Variants in VPS8 observed in about 807,000 individuals in gnomAD.
VPS8 encodes vacuolar protein sorting-associated protein 8 homolog.
In VPS8, 129 loss-of-function variants were observed where a neutral mutation model predicts 216.4. That is an observed-to-expected ratio of 0.60 (90% CI 0.52 to 0.69). The LOEUF is 0.69. Among genes scored for constraint, VPS8 ranks in the 30% least tolerant of loss-of-function variants. The pLI, the probability that VPS8 is intolerant of heterozygous loss-of-function variation, is 0.00. For missense variants in VPS8, 1,531 were observed against 1,683.5 expected (o/e 0.91, Z 1.59); for synonymous variants, 571 against 565.4 (o/e 1.01, Z -0.14).
intron 14 of VPS8, 41 bp from the exon 15 acceptor site, chr3:184,859,944 A>G (rs1463491448): frequency 6.6e-7 from 1 of 1,512,584 alleles, no homozygotes; most frequent in Admixed American, 1.7e-5. Flanking sequence ...AAGTCCCTCA[A>G]ACAGTAGCTG....
At chr3:184,939,554 C>CTT (rs71632037) in intron 35 of VPS8, among the ~76,000 whole-genome samples, 37 of 141,190 alleles carry the variant, frequency 2.6e-4, no homozygotes, top group Middle Eastern at 3.8e-3. Context: ...TTGCTGTCCT[C>CTT]TTTTTTTTTT....
At position 184,915,484 on chromosome 3, in the gene VPS8, A is replaced by G. The variant is rs758030752; in HGVS notation, c.2382+10A>G. ...AAATGTATTGGCACTGGTAAGAGAC[A>G]GTATTATTTTAAGGTGTTTTCAAAG... On this transcript the variant is annotated intron_variant, in intron 28 of 47. Coordinates refer to ENST00000625842, the MANE Select transcript of VPS8 (RefSeq NM_001009921.3). 6.2e-7 allele frequency: 1 copy of G among 1,611,760 alleles called. No homozygotes were observed. The highest frequency in any genetic ancestry group is 8.5e-7 in the Non-Finnish European group (1 of 1,179,056).
intron 6 of VPS8, chr3:184,839,481 G>A (rs1290843960): frequency 1.2e-5 from 6 of 501,806 alleles, no homozygotes; most frequent in Non-Finnish European, 2.1e-5. Context: ...ATGATATTTT[G>A]ATAGTGTTAC....
intron 36 of VPS8, among the ~76,000 whole-genome samples, chr3:184,954,333 C>T (rs999898102): frequency 6.6e-6 from 1 of 152,060 alleles, no homozygotes; most frequent in Non-Finnish European, 1.5e-5. Context: ...TTGATTACAT[C>T]GTTGGCCATT....
At position 184,950,216 on chromosome 3, in the gene VPS8, CTTTTTTTTTTTT is replaced by C. The variant is rs10700220; in HGVS notation, c.3036-7141_3036-7130del. On this transcript the variant is annotated intron_variant, in intron 36 of 47. Transcript: ENST00000625842. ...AGCAACCACGCCCAGCAGTTTTCTG[CTTTTTTTTTTTT>C]TTTTTTTTTTTTTTTTACTCTAGCT... Among the ~76,000 whole-genome samples the C allele has an allele frequency of 0.016, 634 of 39,950 alleles. 47 individuals carry two copies. The Admixed American group carries it at 0.16, about 10-fold the overall frequency. The allele number at this position is 39,950 out of a possible 152,430, so 26.2% of individuals were successfully genotyped here.
intron 16 of VPS8, among the ~76,000 whole-genome samples, chr3:184,863,946 T>G (rs1434348164): frequency 6.6e-6 from 1 of 152,166 alleles, no homozygotes; most frequent in African/African-American, 2.4e-5. Flanking sequence ...AAAGTCAGAA[T>G]AAGAAATGAT....
chr3:184,926,150 C>A (rs866632395), intron 30 of VPS8, among the ~76,000 whole-genome samples: 2 of 150,766 alleles, frequency 1.3e-5, no homozygotes, highest in East Asian at 4.0e-4. Context: ...CCGAGGCGGG[C>A]GGATCACGAG....
intron 47 of VPS8, among the ~76,000 whole-genome samples, chr3:185,049,643 C>T (rs539907483): frequency 6.6e-5 from 10 of 152,240 alleles, no homozygotes; most frequent in Middle Eastern, 6.8e-3. Flanking sequence ...TCTGGATCTC[C>T]ACCACCTAAA....
At position 185,029,587 on chromosome 3, in the gene VPS8, C is replaced by T. The variant is rs150529903; in HGVS notation, c.4056+5198C>T. Among the ~76,000 whole-genome samples, 791 of 148,452 alleles carry T rather than the reference C, an allele frequency of 5.3e-3. 11 individuals carry two copies. The highest frequency in any genetic ancestry group is 0.019 in the African/African-American group (754 of 40,294). Reference sequence around the variant, plus strand: ...TGTATCTTTTTTTTTTTTTTTGAGACGGAGTCTCACTCTGTTGCCCGGCTT... The same window carrying T: ...TGTATCTTTTTTTTTTTTTTTGAGATGGAGTCTCACTCTGTTGCCCGGCTT... On this transcript the variant is annotated intron_variant, in intron 46 of 47. Coordinates refer to ENST00000625842, the MANE Select transcript of VPS8 (RefSeq NM_001009921.3).
chr3:184,939,773 C>G (rs1454547400), intron 35 of VPS8, among the ~76,000 whole-genome samples: 1 of 152,136 alleles, frequency 6.6e-6, no homozygotes, highest in Non-Finnish European at 1.5e-5. Context: ...AACTCCCACC[C>G]TCCCTGGATG....
intron 40 of VPS8, chr3:184,982,293 C>G (rs549763613): frequency 1.3e-5 from 5 of 374,472 alleles, no homozygotes; most frequent in African/African-American, 2.1e-5. Flanking sequence ...ATTGCAGTTC[C>G]GAGGCCTAGA....
At chr3:184,946,225 A>G (rs185330536) in intron 36 of VPS8, among the ~76,000 whole-genome samples, 62 of 152,354 alleles carry the variant, frequency 4.1e-4, no homozygotes, top group African/African-American at 1.5e-3. Flanking sequence ...GGCTCTTCCC[A>G]TAATCCCAAT....
At chr3:184,901,004 T>G in intron 25 of VPS8, 32 bp downstream of exon 25, 1 of 1,587,528 alleles carries the variant, frequency 6.3e-7, no homozygotes, top group Non-Finnish European at 8.6e-7. Flanking sequence ...ATTTTTTGCT[T>G]TCCTGTATTT....
At chr3:184,955,364 A>G (rs978624494) in intron 36 of VPS8, among the ~76,000 whole-genome samples, 8 of 152,134 alleles carry the variant, frequency 5.3e-5, no homozygotes, top group African/African-American at 1.7e-4. Context: ...AAGTGCATAG[A>G]AGAAAACGCT....
Position 184,957,442 on chromosome 3 carries a change from T to A in VPS8, c.3104T>A (p.Leu1035Gln), listed in dbSNP as rs776847972. Reference protein sequence around the residue: ...SPCITEQFIELLCQFNPTQVI... With the variant: ...SPCITEQFIEQLCQFNPTQVI... Reference sequence around the variant, plus strand: ...TGTATCACAGAGCAGTTCATTGAGCTGTTGTGTCAGTTCAACCCAACCCAA... The same window carrying A: ...TGTATCACAGAGCAGTTCATTGAGCAGTTGTGTCAGTTCAACCCAACCCAA... The change falls in exon 37 of 48, where the codon CTG (leucine) becomes CAG (glutamine). Residue 1035 changes from leucine (L) to glutamine (Q), a missense_variant. Leu to Gln is a moderately radical substitution (Grantham distance 113). Coordinates refer to ENST00000625842, the MANE Select transcript of VPS8 (RefSeq NM_001009921.3). 33 of 1,612,738 alleles carry A rather than the reference T, an allele frequency of 2.0e-5. No homozygotes were observed. Among genetic ancestry groups the A allele is most frequent in the Non-Finnish European group, 2.8e-5 (33 of 1,179,326 alleles).
At position 184,945,933 on chromosome 3, in the gene VPS8, G is replaced by T. The variant is rs541116488; in HGVS notation, c.3035+5690G>T. Among the ~76,000 whole-genome samples, 3 of 152,198 alleles carry T rather than the reference G, an allele frequency of 2.0e-5. No homozygotes were observed. In the East Asian group the frequency reaches 5.8e-4, roughly 29 times the overall value. ...TAGTAGTGTGGAAAATGGTCCTTAC[G>T]TATTGAGTCTGCCTCAGTGGGGGCC... On this transcript the variant is annotated intron_variant, in intron 36 of 47. Transcript: ENST00000625842.
intron 46 of VPS8, among the ~76,000 whole-genome samples, chr3:185,028,326 A>G (rs1036114257): frequency 6.6e-6 from 1 of 152,214 alleles, no homozygotes; most frequent in African/African-American, 2.4e-5. Context: ...ATAAAGCTTG[A>G]CCTAGCCTTA....
intron 1 of VPS8, chr3:184,817,285 G>GGATGGGTA (rs1287373556): frequency 2.0e-5 from 3 of 152,324 alleles, no homozygotes; most frequent in Non-Finnish European, 2.9e-5. Flanking sequence ...AGGAATGGGT[G>GGATGGGTA]GATGGGTAGA....
intron 43 of VPS8, 103 bp downstream of exon 43, chr3:184,994,166 T>C (rs903070670): frequency 2.0e-5 from 16 of 819,752 alleles, no homozygotes; most frequent in Non-Finnish European, 2.9e-5. Flanking sequence ...ATCTATTTAC[T>C]GGCAGTTAGG....
Sources: allele counts gnomAD v4.1 joint callset (sites outside exome capture counted in the v4.1 genomes callset), GRCh38; gene constraint gnomAD v4.1.1; transcripts MANE v1.5; gene names NCBI Gene and HGNC (gene_info 2026-07-23, HGNC 2026-07-21).